Variants in CSMD1 observed in about 807,000 individuals in gnomAD.
CSMD1 encodes the protein CUB and Sushi multiple domains 1.
In CSMD1, 213 loss-of-function variants were observed where a neutral mutation model predicts 417.5. The observed-to-expected ratio is 0.51, with a 90% CI of 0.46 to 0.57. The LOEUF is 0.57. Among genes scored for constraint, CSMD1 ranks in the 20% least tolerant of loss-of-function variants. The probability of loss-of-function intolerance (pLI) is 0.00; values close to 1 mark genes in which losing one functional copy is unlikely to be tolerated. For missense variants in CSMD1, 6,923 were observed against 4,529.7 expected, an observed-to-expected ratio of 1.53 and a Z score of -15.17; for synonymous variants, 2,862 against 1,736.8, an observed-to-expected ratio of 1.65 and a Z score of -16.11.
At chr8:4,012,758 C>T (rs1037764133) in intron 4 of CSMD1, among the ~76,000 whole-genome samples, 1 of 152,168 alleles carries the variant, frequency 6.6e-6, no homozygotes, top group African/African-American at 2.4e-5. Flanking sequence ...TTCTTTTGCT[C>T]TTTCCATTTT....
At chr8:3,840,353 C>G (rs914182911) in intron 5 of CSMD1, among the ~76,000 whole-genome samples, 1 of 152,144 alleles carries the variant, frequency 6.6e-6, no homozygotes, top group Non-Finnish European at 1.5e-5. Flanking sequence ...TCCTTGAAAA[C>G]TCTAGTGCAC....
At chr8:3,073,174 A>G (rs1362162773) in intron 49 of CSMD1, among the ~76,000 whole-genome samples, 1 of 152,220 alleles carries the variant, frequency 6.6e-6, no homozygotes, top group Non-Finnish European at 1.5e-5. Context: ...ACTTGAATGC[A>G]TTTGATATGA....
intron 3 of CSMD1, among the ~76,000 whole-genome samples, chr8:4,095,163 G>C (rs1001151665): frequency 6.6e-6 from 1 of 152,190 alleles, no homozygotes; most frequent in African/African-American, 2.4e-5. Context: ...CTGAGAAGTT[G>C]TTGGGGACGG....
rs536047211 is a variant in CSMD1, at chr8:3,655,010, C to T, written c.1010-38213G>A. Reference sequence around the variant, plus strand: ...TGTGAAGAAAGGGAGACAGCAATAACGCTCAAATTTTTAAATTTAATTAAA... The same window carrying T: ...TGTGAAGAAAGGGAGACAGCAATAATGCTCAAATTTTTAAATTTAATTAAA... On this transcript the variant is annotated intron_variant, in intron 7 of 69. Transcript: ENST00000635120. 7.5e-4 allele frequency among the ~76,000 whole-genome samples: 114 copies of T among 152,146 alleles called. 3 individuals carry two copies. The highest frequency in any genetic ancestry group is 5.9e-4 in the Non-Finnish European group (40 of 67,996).
intron 40 of CSMD1, among the ~76,000 whole-genome samples, chr8:3,147,407 T>C (rs1281755477): frequency 1.3e-5 from 2 of 152,180 alleles, no homozygotes; most frequent in African/African-American, 2.4e-5. Context: ...TCTCATCTTA[T>C]TTAGATTGAA....
At chr8:3,461,521 C>T (rs1021753511) in intron 12 of CSMD1, among the ~76,000 whole-genome samples, 3 of 152,182 alleles carry the variant, frequency 2.0e-5, no homozygotes, top group African/African-American at 7.2e-5. Context: ...TCTCTGCTCC[C>T]CGATCTCTCA....
intron 25 of CSMD1, among the ~76,000 whole-genome samples, chr8:3,291,926 C>G (rs573656488): frequency 6.6e-6 from 1 of 151,952 alleles, no homozygotes; most frequent in South Asian, 2.1e-4. Context: ...GTTAGGGTGT[C>G]AATTTTAGAT....
At position 2,963,321 on chromosome 8, in the gene CSMD1, T is replaced by C. The variant is rs367715815; in HGVS notation, c.9355A>G (p.Ile3119Val). Residue 3119 changes from isoleucine to valine, a missense_variant, in exon 60 of 70, where the codon ATA (isoleucine) becomes GTA (valine). Ile to Val is a conservative substitution (Grantham distance 29). Transcript: ENST00000635120. Reference sequence around the variant, plus strand: ...TAACCGTCCATGCAGCTGTAACTTATGCTGGAGCCCCAGCGGAAATCACTT... The same window carrying C: ...TAACCGTCCATGCAGCTGTAACTTACGCTGGAGCCCCAGCGGAAATCACTT... ...EGSDFRWGSS[I>V]SYSCMDGYQL... 3 of 1,613,998 alleles carry C rather than the reference T, an allele frequency of 1.9e-6. No individual in the cohort carries two copies. Among genetic ancestry groups the C allele is most frequent in the East Asian group, 2.2e-5 (1 of 44,856 alleles).
chr8:3,498,170 T>A (rs933008858), intron 10 of CSMD1, among the ~76,000 whole-genome samples: 14 of 152,222 alleles, frequency 9.2e-5, no homozygotes, highest in Admixed American at 2.6e-4. Context: ...AAATCTAATG[T>A]TAGTCTGGGA....
chr8:4,145,284 T>C (rs1804042166), intron 3 of CSMD1, among the ~76,000 whole-genome samples: 2 of 151,074 alleles, frequency 1.3e-5, no homozygotes, highest in Non-Finnish European at 2.9e-5. Flanking sequence ...AGACTTCCAA[T>C]GCTTTCTTGT....
chr8:3,497,589 C>G (rs558121359), intron 10 of CSMD1, among the ~76,000 whole-genome samples: 6 of 152,078 alleles, frequency 3.9e-5, no homozygotes, highest in Admixed American at 6.6e-5. Flanking sequence ...CACTTAAAGT[C>G]CATGTTATCT....
intron 2 of CSMD1, among the ~76,000 whole-genome samples, chr8:4,444,480 C>A (rs777533711): frequency 2.6e-5 from 4 of 151,028 alleles, no homozygotes; most frequent in Non-Finnish European, 4.4e-5. Flanking sequence ...CATAAGCAGT[C>A]GCATTCAATT....
At chr8:4,054,950 A>G (rs1304019742) in intron 3 of CSMD1, among the ~76,000 whole-genome samples, 1 of 152,204 alleles carries the variant, frequency 6.6e-6, no homozygotes. Flanking sequence ...ACAAAGAGAC[A>G]TCAAAAGTTT....
chr8:4,313,359 T>C (rs527689776), intron 3 of CSMD1, among the ~76,000 whole-genome samples: 14 of 151,688 alleles, frequency 9.2e-5, no homozygotes, highest in African/African-American at 2.2e-4. Flanking sequence ...CAGACCATCA[T>C]TGTCACTATG....
At chr8:4,776,514 C>T (rs1796859459) in intron 1 of CSMD1, among the ~76,000 whole-genome samples, 1 of 152,024 alleles carries the variant, frequency 6.6e-6, no homozygotes, top group South Asian at 2.1e-4. Flanking sequence ...GTCTCAGGGC[C>T]CCATAGGAAT....
At chr8:3,231,395 T>C (rs1320567841) in intron 26 of CSMD1, among the ~76,000 whole-genome samples, 2 of 152,230 alleles carry the variant, frequency 1.3e-5, no homozygotes, top group Admixed American at 6.5e-5. Flanking sequence ...TAGTGTATTG[T>C]TCTATATACA....
intron 8 of CSMD1, among the ~76,000 whole-genome samples, chr8:3,595,675 T>G (rs1016086066): frequency 6.6e-6 from 1 of 152,188 alleles, no homozygotes; most frequent in African/African-American, 2.4e-5. Flanking sequence ...AAGCACCGCA[T>G]TGACAATGAG....
rs2131036251 is a variant in CSMD1 at position 4,146,586 on chromosome 8, A to T, written c.416-114487T>A. Among the ~76,000 whole-genome samples, 5 of 105,316 alleles carry T rather than the reference A, an allele frequency of 4.7e-5. 1 individual carries two copies. The highest frequency in any genetic ancestry group is 2.4e-4 in the East Asian group (1 of 4,100). The allele number at this position is 105,316 out of a possible 152,430, so 69.1% of individuals were successfully genotyped here. On this transcript the variant is annotated intron_variant, in intron 3 of 69. Coordinates refer to ENST00000635120, the MANE Select transcript of CSMD1 (RefSeq NM_033225.6). ...CATTATTATCTGTCTAAATGTTTATATGGACACATTTTTTTTTTTTTTTTT... is the reference window on the plus strand; with the variant it reads ...CATTATTATCTGTCTAAATGTTTATTTGGACACATTTTTTTTTTTTTTTTT...
chr8:4,743,074 T>C (rs145438070), intron 1 of CSMD1, among the ~76,000 whole-genome samples: 1 of 152,302 alleles, frequency 6.6e-6, no homozygotes, highest in Non-Finnish European at 1.5e-5. Flanking sequence ...ATTATTACAT[T>C]AAAATTGGCT....
Sources: gnomAD v4.1 joint callset for allele counts (sites outside exome capture counted in the v4.1 genomes callset) on GRCh38, gnomAD v4.1.1 for gene constraint, MANE v1.5 for transcripts, NCBI Gene and HGNC (gene_info 2026-07-23, HGNC 2026-07-21) for gene names.